Variants in SNTG1 observed in about 807,000 individuals in gnomAD.
SNTG1 encodes syntrophin gamma 1, also known as gamma-1-syntrophin.
In SNTG1, 39 loss-of-function variants were observed where a neutral mutation model predicts 74.7. The ratio of observed to expected loss-of-function variants is 0.52; its 90% CI spans 0.40 to 0.68. The LOEUF (loss-of-function observed/expected upper bound fraction) is 0.68. SNTG1 is among the 30% of genes least tolerant of loss of function. The pLI, the probability that SNTG1 is intolerant of heterozygous loss-of-function variation, is 0.00. For missense variants in SNTG1, 685 were observed against 609.5 expected (o/e 1.12, Z -1.30); for synonymous variants, 254 against 217.1 (o/e 1.17, Z -1.49).
chr8:50,333,700 A>C (rs1228773026), intron 2 of SNTG1, among the ~76,000 whole-genome samples: 1 of 152,238 alleles, frequency 6.6e-6, no homozygotes, highest in African/African-American at 2.4e-5. Context: ...TATCAGAGAA[A>C]TACAGAACCA....
chr8:50,270,003 C>A (rs2087695371), intron 2 of SNTG1, among the ~76,000 whole-genome samples: 5 of 152,102 alleles, frequency 3.3e-5, no homozygotes, highest in African/African-American at 1.2e-4. Flanking sequence ...CTTTCTTTAT[C>A]ATTCCTTATG....
chr8:49,981,712 C>A (rs1296027608), intron 1 of SNTG1, among the ~76,000 whole-genome samples: 4 of 152,084 alleles, frequency 2.6e-5, no homozygotes, highest in African/African-American at 9.7e-5. Context: ...ATACTATAAT[C>A]TTTTATGCAT....
At chr8:50,411,991 G>T (rs889284969) in intron 4 of SNTG1, among the ~76,000 whole-genome samples, 3 of 152,166 alleles carry the variant, frequency 2.0e-5, no homozygotes, top group Non-Finnish European at 2.9e-5. Flanking sequence ...TGCAGTTGGA[G>T]GTGTTGGTGT....
In SNTG1 at chr8:50,645,607, G is replaced by T. The variant is rs1463711008; in HGVS notation, c.850-11302G>T. Among the ~76,000 whole-genome samples the T allele has an allele frequency of 2.0e-5, 3 of 152,194 alleles. No individual in the cohort carries two copies. In the South Asian group the frequency reaches 6.2e-4, roughly 32 times the overall value. On this transcript the variant is annotated intron_variant, in intron 13 of 18. Transcript: ENST00000642720. ...TAGGGATATTATCTTCCTCCAGAGA[G>T]AATTTACTTTTATTCCTGGCAAAAT... is the stretch of plus-strand genomic sequence containing the variant.
At chr8:50,030,368 T>A (rs1285415345) in intron 1 of SNTG1, among the ~76,000 whole-genome samples, 1 of 152,040 alleles carries the variant, frequency 6.6e-6, no homozygotes, top group Admixed American at 6.6e-5. Flanking sequence ...TTTGTCCATT[T>A]TTGCCTTGGT....
chr8:50,250,494 A>C (rs2129877985), intron 2 of SNTG1, among the ~76,000 whole-genome samples: 1 of 152,286 alleles, frequency 6.6e-6, no homozygotes, highest in East Asian at 1.9e-4. Flanking sequence ...TAACCCAAAA[A>C]TATTCTTTCC....
chr8:50,574,522 A>G (rs1018896319), intron 12 of SNTG1, among the ~76,000 whole-genome samples: 3 of 152,150 alleles, frequency 2.0e-5, no homozygotes, highest in Non-Finnish European at 4.4e-5. Context: ...TTTTATGAGT[A>G]TATATTACAT....
chr8:50,743,573 G>A lies in SNTG1; in HGVS notation c.1285-8428G>A, dbSNP rs189553621. Among the ~76,000 whole-genome samples the A allele has an allele frequency of 3.1e-3, 447 of 146,524 alleles. 3 individuals carry two copies. Among genetic ancestry groups the A allele is most frequent in the African/African-American group, 0.012 (432 of 36,612 alleles). Reference sequence around the variant, plus strand: ...AGACTGAAAGTTTTCTCCTAAATCAGGAACAAGAATACTTGCTTTGACTTC... The same window carrying A: ...AGACTGAAAGTTTTCTCCTAAATCAAGAACAAGAATACTTGCTTTGACTTC... On this transcript the variant is annotated intron_variant, in intron 17 of 18. Coordinates refer to ENST00000642720, the MANE Select transcript of SNTG1 (RefSeq NM_018967.5).
chr8:50,025,796 A>G (rs1307185155), intron 1 of SNTG1, among the ~76,000 whole-genome samples: 5 of 152,350 alleles, frequency 3.3e-5, no homozygotes, highest in East Asian at 1.9e-4. Context: ...TAACTTTCCT[A>G]ATTGATACAT....
chr8:50,213,245 T>G (rs914544936), intron 2 of SNTG1, among the ~76,000 whole-genome samples: 6 of 152,196 alleles, frequency 3.9e-5, no homozygotes, highest in Non-Finnish European at 7.3e-5. Flanking sequence ...GAACAGGAAT[T>G]TCTCAGTGAA....
intron 2 of SNTG1, among the ~76,000 whole-genome samples, chr8:50,265,593 A>G (rs939649661): frequency 2.0e-5 from 3 of 152,068 alleles, no homozygotes; most frequent in Non-Finnish European, 4.4e-5. Flanking sequence ...TGTCACTTCT[A>G]TTCGAATTTG....
intron 1 of SNTG1, among the ~76,000 whole-genome samples, chr8:50,022,858 C>T (rs886211255): frequency 1.3e-5 from 2 of 152,256 alleles, no homozygotes; most frequent in South Asian, 4.1e-4. Flanking sequence ...ATACAGTACA[C>T]ATGTTGGTTT....
intron 13 of SNTG1, among the ~76,000 whole-genome samples, chr8:50,601,271 T>G (rs549889524): frequency 5.9e-5 from 9 of 151,966 alleles, no homozygotes; most frequent in African/African-American, 2.2e-4. Context: ...GCTATAAATT[T>G]TCCTCTTAGC....
intron 1 of SNTG1, among the ~76,000 whole-genome samples, chr8:49,976,143 C>A (rs1010746566): frequency 3.0e-4 from 46 of 152,104 alleles, no homozygotes; most frequent in African/African-American, 1.1e-3. Flanking sequence ...AGGTACCTTG[C>A]AATCAGTGAT....
At chr8:50,234,899 G>A (rs751349162) in intron 2 of SNTG1, among the ~76,000 whole-genome samples, 22 of 152,068 alleles carry the variant, frequency 1.4e-4, no homozygotes, top group Non-Finnish European at 2.9e-4. Flanking sequence ...GATAGAAGCT[G>A]TTGTTAGTAG....
chr8:50,391,331 C>T (rs544481618), intron 2 of SNTG1, among the ~76,000 whole-genome samples: 5 of 152,018 alleles, frequency 3.3e-5, no homozygotes, highest in African/African-American at 4.8e-5. Context: ...GAGATAATCA[C>T]GTGGCTTTTG....
At chr8:50,016,561 G>GA (rs1816335211) in intron 1 of SNTG1, among the ~76,000 whole-genome samples, 2 of 152,028 alleles carry the variant, frequency 1.3e-5, no homozygotes, top group African/African-American at 2.4e-5. Flanking sequence ...AAAGCTTCTT[G>GA]AACCACCACT....
chr8:50,487,634 C>T (rs910898444), intron 8 of SNTG1, among the ~76,000 whole-genome samples: 2 of 139,276 alleles, frequency 1.4e-5, no homozygotes, highest in Non-Finnish European at 3.0e-5. Context: ...GGGAATTGAA[C>T]AATGAGAACA....
At chr8:50,157,811 T>C (rs752177442) in intron 1 of SNTG1, among the ~76,000 whole-genome samples, 57 of 152,214 alleles carry the variant, frequency 3.7e-4, no homozygotes, top group Non-Finnish European at 5.3e-4. Context: ...TGCACATTCA[T>C]AGAAATGAAA....
Sources: gnomAD v4.1 joint callset for allele counts (sites outside exome capture counted in the v4.1 genomes callset) on GRCh38, gnomAD v4.1.1 for gene constraint, MANE v1.5 for transcripts, NCBI Gene and HGNC (gene_info 2026-07-23, HGNC 2026-07-21) for gene names.